Variants in OR10J1 observed in about 807,000 individuals in gnomAD.
OR10J1 encodes olfactory receptor family 10 subfamily J member 1, also known as olfactory receptor 10J1.
For synonymous variants in OR10J1, 202 were observed against 143.8 expected, an observed-to-expected ratio of 1.40 and a Z score of -2.89; for missense variants, 474 against 376.6, an observed-to-expected ratio of 1.26 and a Z score of -2.14.
chr1:159,425,753 C>G, the OR10J1 span, among the ~76,000 whole-genome samples: 1 of 151,900 alleles, frequency 6.6e-6, no homozygotes, highest in Admixed American at 6.6e-5. Flanking sequence ...TGTTCATGTA[C>G]ACAGAGATGG....
upstream of OR10J1, chr1:159,433,213 G>A (rs1357606563): frequency 2.5e-6 from 1 of 397,232 alleles, no homozygotes; most frequent in Non-Finnish European, 4.4e-6. Context: ...AATAAGATGA[G>A]AGATACTGTG....
rs1429903206 is a variant in OR10J1 at position 159,440,309 on chromosome 1, T to G, written c.518T>G (p.Val173Gly). 6.2e-7 allele frequency: 1 copy of G among 1,614,160 alleles called. No homozygotes were observed. The highest frequency in any genetic ancestry group is 1.7e-5 in the Admixed American group (1 of 60,028). The change falls in exon 1 of 1, where the codon GTG (valine) becomes GGG (glycine). Residue 173 changes from valine to glycine, a missense_variant. Physicochemically the swap from Val to Gly is moderately radical, Grantham distance 109. Coordinates refer to ENST00000423932, the MANE Select transcript of OR10J1 (RefSeq NM_012351.3). ...AGGTTACCCTTCTGTGCTAGAAAGG[T>G]GCCCCACTTCTTCTGTGACATCCGC... ...VFRLPFCARK[V>G]PHFFCDIRPV... is the part of the protein sequence containing the mutation.
chr1:159,427,339 T>C, the OR10J1 span, among the ~76,000 whole-genome samples: 2 of 151,450 alleles, frequency 1.3e-5, no homozygotes, highest in African/African-American at 4.8e-5. Context: ...TAAAGAAAAC[T>C]AAAAAAATAG....
At chr1:159,405,026 A>G in the OR10J1 span, among the ~76,000 whole-genome samples, 2 of 152,102 alleles carry the variant, frequency 1.3e-5, no homozygotes, top group Non-Finnish European at 2.9e-5. Context: ...ACTATCGAGG[A>G]GAAACTGCAT....
chr1:159,428,553 G>A, the OR10J1 span, among the ~76,000 whole-genome samples: 1 of 152,090 alleles, frequency 6.6e-6, no homozygotes, highest in Non-Finnish European at 1.5e-5. Context: ...ATTATTTCAA[G>A]GTCTCGATAA....
At chr1:159,428,270 A>C in the OR10J1 span, among the ~76,000 whole-genome samples, 1 of 152,088 alleles carries the variant, frequency 6.6e-6, no homozygotes, top group African/African-American at 2.4e-5. Flanking sequence ...TCGTCAATAC[A>C]TTTTTCTCCT....
At chr1:159,415,770 T>G in the OR10J1 span, among the ~76,000 whole-genome samples, 1 of 152,054 alleles carries the variant, frequency 6.6e-6, no homozygotes, top group African/African-American at 2.4e-5. Context: ...AACATGAAAA[T>G]ATTAATGTGA....
At chr1:159,410,366 C>A in the OR10J1 span, among the ~76,000 whole-genome samples, 3 of 152,188 alleles carry the variant, frequency 2.0e-5, no homozygotes, top group Non-Finnish European at 2.9e-5. Flanking sequence ...ATTATTGCCA[C>A]AATTTCAGAG....
At chr1:159,401,998 T>A in the OR10J1 span, among the ~76,000 whole-genome samples, 1 of 151,956 alleles carries the variant, frequency 6.6e-6, no homozygotes, top group Non-Finnish European at 1.5e-5. Flanking sequence ...CAAAACCATA[T>A]GATCATTTTA....
chr1:159,425,699 A>AT, the OR10J1 span, among the ~76,000 whole-genome samples: 1 of 152,076 alleles, frequency 6.6e-6, no homozygotes, highest in Non-Finnish European at 1.5e-5. Context: ...AATAGATTTA[A>AT]TTTTTACTGA....
At chr1:159,408,123 A>G in the OR10J1 span, among the ~76,000 whole-genome samples, 2 of 152,052 alleles carry the variant, frequency 1.3e-5, no homozygotes, top group African/African-American at 4.8e-5. Flanking sequence ...CAGCATTTCT[A>G]AGATCCAGAT....
chr1:159,439,694 A>T, upstream of OR10J1: 1 of 1,436,472 alleles, frequency 7.0e-7, no homozygotes, highest in Non-Finnish European at 9.6e-7. Flanking sequence ...GTAACTGAGA[A>T]CTATTGAACT....
At chr1:159,429,584 TTGA>T in the OR10J1 span, among the ~76,000 whole-genome samples, 3 of 152,216 alleles carry the variant, frequency 2.0e-5, no homozygotes, top group Non-Finnish European at 2.9e-5. Context: ...TGTATGATTG[TTGA>T]TGAGTCACTT....
At chr1:159,426,383 ATTG>A in the OR10J1 span, among the ~76,000 whole-genome samples, 2 of 151,844 alleles carry the variant, frequency 1.3e-5, no homozygotes, top group Non-Finnish European at 1.5e-5. Context: ...CAAAAAGAAA[ATTG>A]TTGTAATATT....
upstream of OR10J1, among the ~76,000 whole-genome samples, chr1:159,437,567 T>A (rs145477229): frequency 2.0e-5 from 3 of 152,306 alleles, no homozygotes; most frequent in East Asian, 5.8e-4. Context: ...ATCAACTAAA[T>A]AAACCAGCTT....
At chr1:159,406,602 G>A in the OR10J1 span, among the ~76,000 whole-genome samples, 1 of 151,988 alleles carries the variant, frequency 6.6e-6, no homozygotes, top group African/African-American at 2.4e-5. Flanking sequence ...CAAAGGGAAG[G>A]AAATTTCAAC....
At chr1:159,405,532 A>T in the OR10J1 span, 9 of 317,838 alleles carry the variant, frequency 2.8e-5, no homozygotes, top group South Asian at 3.5e-4. Context: ...CAGGGGAGTG[A>T]TAATGGTGTA....
At chr1:159,433,040 G>T, upstream of OR10J1, 1 of 449,182 alleles carries the variant, frequency 2.2e-6, no homozygotes, top group Non-Finnish European at 4.0e-6. Flanking sequence ...GACATACACT[G>T]TTATTACTCC....
the OR10J1 span, among the ~76,000 whole-genome samples, chr1:159,421,534 T>C: frequency 6.6e-6 from 1 of 152,238 alleles, no homozygotes; most frequent in Admixed American, 6.5e-5. Flanking sequence ...ATTTTTTGAA[T>C]TTGTTCTCAT....
Sources: allele counts gnomAD v4.1 joint callset (sites outside exome capture counted in the v4.1 genomes callset), GRCh38; gene constraint gnomAD v4.1.1; transcripts MANE v1.5; gene names NCBI Gene and HGNC (gene_info 2026-07-23, HGNC 2026-07-21).